The following SEC24B variants were observed in gnomAD, a reference collection of about 807,000 sequenced individuals.
The protein encoded by SEC24B is protein transport protein Sec24B.
SEC24B carries 45 observed loss-of-function variants against 142.8 expected under a neutral mutation model. The ratio of observed to expected loss-of-function variants is 0.32; its 90% CI spans 0.25 to 0.40. SEC24B has a LOEUF of 0.40. Among genes scored for constraint, SEC24B ranks in the 10% least tolerant of loss-of-function variants. The probability of loss-of-function intolerance (pLI) is 1.00; values close to 1 mark genes in which losing one functional copy is unlikely to be tolerated. For synonymous variants in SEC24B, 574 were observed against 568.2 expected, an observed-to-expected ratio of 1.01 and a Z score of -0.15; for missense variants, 1,409 against 1,526.8, an observed-to-expected ratio of 0.92 and a Z score of 1.29.
chr4:109,451,704 G>T (rs985687767), intron 1 of SEC24B, among the ~76,000 whole-genome samples: 2 of 152,166 alleles, frequency 1.3e-5, no homozygotes, highest in African/African-American at 4.8e-5. Flanking sequence ...CAAGAACTGG[G>T]TGTTGGATAT....
Position 109,516,536 on chromosome 4 carries a change from T to C in SEC24B, c.2022T>C (p.Pro674=). Residue 674 remains proline, a synonymous_variant, in exon 11 of 24, where the codon CCT becomes CCC. Coordinates refer to ENST00000265175, the MANE Select transcript of SEC24B (RefSeq NM_006323.5). ...ATTTTTATTCCTTTCAGCTGCGTCCTCCTCAACCTGCAGTTTACTTGTTTG... is the reference window on the plus strand; with the variant it reads ...ATTTTTATTCCTTTCAGCTGCGTCCCCCTCAACCTGCAGTTTACTTGTTTG... ...FIASSDYMLR[P]PQPAVYLFVL... 6.2e-7 allele frequency: 1 copy of C among 1,606,708 alleles called. No individual in the cohort carries two copies. Among genetic ancestry groups the C allele is most frequent in the East Asian group, 2.2e-5 (1 of 44,736 alleles).
rs561067860 is a variant in SEC24B, at chr4:109,481,583, CAG to C, written c.1061-91_1061-90del. On this transcript the variant is annotated intron_variant, in intron 3 of 23. Coordinates refer to ENST00000265175, the MANE Select transcript of SEC24B (RefSeq NM_006323.5). ...CATGTTGGGATGTTCTTTGGAATGTCAGAGTTCTTTCTCACTTTTAATGCAAT... is the reference window on the plus strand; with the variant it reads ...CATGTTGGGATGTTCTTTGGAATGTCAGTTCTTTCTCACTTTTAATGCAAT... 1.1e-3 allele frequency: 862 copies of C among 771,430 alleles called. 13 individuals are homozygous for C. In the East Asian group the frequency reaches 0.021, roughly 19 times the overall value. 47.8% of individuals were successfully genotyped at this position (771,430 alleles called of 1,614,324 possible). A position where few individuals can be genotyped will look rare whatever the true frequency, so the allele number is the denominator to read the frequency against.
intron 2 of SEC24B, among the ~76,000 whole-genome samples, chr4:109,466,552 C>A (rs931330249): frequency 3.3e-5 from 5 of 152,060 alleles, no homozygotes; most frequent in African/African-American, 7.2e-5. Flanking sequence ...CTGGGACTAG[C>A]GGCACCCGCC....
intron 6 of SEC24B, among the ~76,000 whole-genome samples, chr4:109,502,484 A>G (rs1736249676): frequency 6.6e-6 from 1 of 152,236 alleles, no homozygotes; most frequent in Admixed American, 6.5e-5. Flanking sequence ...CTAAGGTAGT[A>G]TCATGGAGGT....
At chr4:109,503,791 A>G (rs896982189) in intron 6 of SEC24B, among the ~76,000 whole-genome samples, 6 of 151,974 alleles carry the variant, frequency 3.9e-5, no homozygotes, top group Admixed American at 1.3e-4. Flanking sequence ...TGCATCATTA[A>G]TCCATCTAAG....
At chr4:109,522,268 G>T (rs552948806) in intron 14 of SEC24B, among the ~76,000 whole-genome samples, 75 of 151,472 alleles carry the variant, frequency 5.0e-4, no homozygotes, top group African/African-American at 1.8e-3. Flanking sequence ...AACCAGGATG[G>T]TCTCAATCTG....
At chr4:109,443,183 A>G (rs566435795) in intron 1 of SEC24B, among the ~76,000 whole-genome samples, 70 of 152,284 alleles carry the variant, frequency 4.6e-4, no homozygotes, top group African/African-American at 1.7e-3. Context: ...ATTGAAAGCA[A>G]TCTGACAATC....
intron 1 of SEC24B, among the ~76,000 whole-genome samples, chr4:109,443,927 G>A (rs866627578): frequency 6.6e-6 from 1 of 152,056 alleles, no homozygotes; most frequent in African/African-American, 2.4e-5. Context: ...AGAGAGTAAT[G>A]AAAGAATGGT....
chr4:109,434,083 C>A, intron 1 of SEC24B, 81 bp downstream of exon 1: 1 of 954,018 alleles, frequency 1.0e-6, no homozygotes, highest in South Asian at 4.9e-5. Context: ...CGGGGCGGGC[C>A]GGGCCGGGAA....
chr4:109,474,819 T>C (rs914626528), intron 3 of SEC24B, among the ~76,000 whole-genome samples: 1 of 152,240 alleles, frequency 6.6e-6, no homozygotes. Context: ...CACTAAACAA[T>C]TGCAATTATG....
chr4:109,436,250 A>G (rs1728399058), intron 1 of SEC24B, among the ~76,000 whole-genome samples: 1 of 152,126 alleles, frequency 6.6e-6, no homozygotes, highest in South Asian at 2.1e-4. Context: ...TAGAGAAACA[A>G]GATTAAATCT....
At chr4:109,498,636 T>C (rs1735785346) in intron 6 of SEC24B, among the ~76,000 whole-genome samples, 2 of 152,176 alleles carry the variant, frequency 1.3e-5, no homozygotes, top group Non-Finnish European at 2.9e-5. Flanking sequence ...AGTGCTGGGA[T>C]CACAGGTGTG....
At chr4:109,507,920 C>T (rs1393892462) in intron 7 of SEC24B, among the ~76,000 whole-genome samples, 1 of 152,218 alleles carries the variant, frequency 6.6e-6, no homozygotes, top group East Asian at 1.9e-4. Context: ...GCTGGCATTA[C>T]AGGCGTGAGC....
intron 4 of SEC24B, among the ~76,000 whole-genome samples, chr4:109,484,902 CTTGT>C (rs1734194082): frequency 7.0e-6 from 1 of 143,452 alleles, no homozygotes; most frequent in South Asian, 2.3e-4. Flanking sequence ...TTTCTAATGT[CTTGT>C]TTATTATTTT....
intron 18 of SEC24B, among the ~76,000 whole-genome samples, chr4:109,529,297 G>A (rs536376130): frequency 2.0e-5 from 3 of 152,070 alleles, no homozygotes; most frequent in Middle Eastern, 3.4e-3. Flanking sequence ...ATGCACGTTC[G>A]TTATGATGGA....
At chr4:109,445,540 C>T (rs967318658) in intron 1 of SEC24B, among the ~76,000 whole-genome samples, 4 of 151,330 alleles carry the variant, frequency 2.6e-5, no homozygotes, top group Admixed American at 6.6e-5. Context: ...GCGTGAGCCA[C>T]GGCACCCAGC....
intron 5 of SEC24B, 93 bp downstream of exon 5, chr4:109,491,500 G>T: frequency 2.2e-6 from 2 of 891,862 alleles, no homozygotes; most frequent in Non-Finnish European, 3.5e-6. Flanking sequence ...ATAATAGCAG[G>T]CTATATTTTT....
At chr4:109,446,947 T>G (rs2125900869) in intron 1 of SEC24B, among the ~76,000 whole-genome samples, 1 of 152,352 alleles carries the variant, frequency 6.6e-6, no homozygotes, top group African/African-American at 2.4e-5. Flanking sequence ...CTGAATTTTT[T>G]CACTTGCAGA....
intron 1 of SEC24B, among the ~76,000 whole-genome samples, chr4:109,450,427 A>G (rs1729945584): frequency 6.6e-6 from 1 of 152,022 alleles, no homozygotes; most frequent in African/African-American, 2.4e-5. Flanking sequence ...TGGGAGGCAG[A>G]GGCGGGTGGA....
Sources: allele counts gnomAD v4.1 joint callset (sites outside exome capture counted in the v4.1 genomes callset), GRCh38; gene constraint gnomAD v4.1.1; transcripts MANE v1.5; gene names NCBI Gene and HGNC (gene_info 2026-07-23, HGNC 2026-07-21).